The following GPR157 variants were observed in gnomAD, a reference collection of about 807,000 sequenced individuals.
GPR157 encodes the protein G protein-coupled receptor 157.
In GPR157, 16 loss-of-function variants were observed where a neutral mutation model predicts 23.5. That is an observed-to-expected ratio of 0.68 (90% CI 0.46 to 1.04). The LOEUF (loss-of-function observed/expected upper bound fraction) is 1.04. Among genes scored for constraint, GPR157 ranks in the 50% least tolerant of loss-of-function variants. The pLI, the probability that GPR157 is intolerant of heterozygous loss-of-function variation, is 0.00. For missense variants in GPR157, 440 were observed against 460.7 expected (o/e 0.96, Z 0.41); for synonymous variants, 200 against 221.5 (o/e 0.90, Z 0.86).
chr1:9,107,930 A>C (rs1457564323), intron 2 of GPR157, among the ~76,000 whole-genome samples: 1 of 152,058 alleles, frequency 6.6e-6, no homozygotes, highest in African/African-American at 2.4e-5. Context: ...CTGCCTTAAA[A>C]ACAAAAACAA....
At chr1:9,106,904 C>G (rs1456875849) in intron 2 of GPR157, among the ~76,000 whole-genome samples, 3 of 152,098 alleles carry the variant, frequency 2.0e-5, no homozygotes, top group Admixed American at 6.5e-5. Context: ...ATGGAGGTTG[C>G]AGTGAGCCAA....
At chr1:9,107,481 A>T (rs554677716) in intron 2 of GPR157, among the ~76,000 whole-genome samples, 1 of 152,094 alleles carries the variant, frequency 6.6e-6, no homozygotes, top group Non-Finnish European at 1.5e-5. Flanking sequence ...TCTACAAAAA[A>T]TTTAAAAATT....
rs535847433 is a variant in GPR157 at position 9,105,068 on chromosome 1, C to CACACACACACACACAT, written c.792+417_792+418insATGTGTGTGTGTGTGT. On this transcript the variant is annotated intron_variant, in intron 3 of 3. Transcript: ENST00000377411. The surrounding 1 kb of genome is among the most constrained non-coding windows in gnomAD (Gnocchi z 4.8). ...ACACACACACACACACACACACACACATGCATACACACATGCATACATGCA... is the reference window on the plus strand; with the variant it reads ...ACACACACACACACACACACACACACACACACACACACACATATGCATACACACATGCATACATGCA... Among the ~76,000 whole-genome samples, 1 of 144,476 alleles carries CACACACACACACACAT rather than the reference C, an allele frequency of 6.9e-6. No homozygotes were observed. The highest frequency in any genetic ancestry group is 2.6e-5 in the African/African-American group (1 of 37,820). The allele number at this position is 144,476 out of a possible 152,430, so 94.8% of individuals were successfully genotyped here.
At chr1:9,116,897 A>G (rs1199155261) in intron 1 of GPR157, among the ~76,000 whole-genome samples, 1 of 151,950 alleles carries the variant, frequency 6.6e-6, no homozygotes, top group African/African-American at 2.4e-5. Context: ...ACATGCTACC[A>G]TGCCCGGCTT....
intron 2 of GPR157, among the ~76,000 whole-genome samples, chr1:9,106,413 T>C (rs117156784): frequency 0.023 from 3,509 of 152,126 alleles, 169 homozygotes; most frequent in East Asian, 0.16. Flanking sequence ...CACTCGGAGC[T>C]CTTCAGCGCT....
At chr1:9,126,709 G>A (rs1638969491) in intron 1 of GPR157, among the ~76,000 whole-genome samples, 1 of 152,194 alleles carries the variant, frequency 6.6e-6, no homozygotes. Context: ...AGATGAACCT[G>A]TTAGGCAGGT....
chr1:9,104,129 A>T lies in GPR157; in HGVS notation c.*290T>A. Reference sequence around the variant, plus strand: ...ACATCAAGGTCCACTGGGTGGGGGCACTGTGGCCACAGCTGTGGGCCACCG... The same window carrying T: ...ACATCAAGGTCCACTGGGTGGGGGCTCTGTGGCCACAGCTGTGGGCCACCG... On this transcript the variant is annotated 3_prime_UTR_variant, in exon 4 of 4. Coordinates refer to ENST00000377411, the MANE Select transcript of GPR157 (RefSeq NM_024980.5). The T allele has an allele frequency of 2.4e-6, 1 of 414,390 alleles. No homozygotes were observed. Among genetic ancestry groups the T allele is most frequent in the Non-Finnish European group, 4.5e-6 (1 of 222,756 alleles). 25.7% of individuals were successfully genotyped at this position (414,390 alleles called of 1,614,324 possible).
chr1:9,114,326 C>CA lies in GPR157; in HGVS notation c.384-2838dup, dbSNP rs58549365. ...CCTGGGTGACGAAGTGAGACTGTCT[C>CA]AAAAAAAAAAAAAAAAAAAGTAATC... On this transcript the variant is annotated intron_variant, in intron 1 of 3. Transcript: ENST00000377411. Among the ~76,000 whole-genome samples the CA allele has an allele frequency of 2.5e-3, 258 of 103,092 alleles. 7 individuals carry two copies. The highest frequency in any genetic ancestry group is 3.0e-3 in the Admixed American group (27 of 9,044). The allele number at this position is 103,092 out of a possible 152,430, so 67.6% of individuals were successfully genotyped here.
chr1:9,122,755 G>A (rs1023349603), intron 1 of GPR157, among the ~76,000 whole-genome samples: 5 of 152,058 alleles, frequency 3.3e-5, no homozygotes, highest in African/African-American at 7.2e-5. Flanking sequence ...CAAGAAAGGT[G>A]GGAGAACTGT....
intron 2 of GPR157, among the ~76,000 whole-genome samples, chr1:9,109,562 T>G (rs1445191692): frequency 1.3e-5 from 2 of 151,918 alleles, no homozygotes; most frequent in Non-Finnish European, 2.9e-5. Context: ...CCAGCTAATT[T>G]TTGTTATTTT....
chr1:9,108,934 C>T (rs1310380525), intron 2 of GPR157, among the ~76,000 whole-genome samples: 1 of 151,696 alleles, frequency 6.6e-6, no homozygotes, highest in Admixed American at 6.6e-5. Context: ...TACAGGTGCC[C>T]ACCACCACGC....
chr1:9,107,372 C>T (rs1223972504), intron 2 of GPR157, among the ~76,000 whole-genome samples: 1 of 152,196 alleles, frequency 6.6e-6, no homozygotes, highest in African/African-American at 2.4e-5. Flanking sequence ...GGAGTGGTGG[C>T]TCATGCCTGA....
intron 1 of GPR157, among the ~76,000 whole-genome samples, chr1:9,117,269 C>T (rs188266154): frequency 4.6e-5 from 7 of 152,142 alleles, no homozygotes; most frequent in East Asian, 1.9e-4. Context: ...AGGATAAAAA[C>T]GATAAGGAGA....
At chr1:9,126,943 G>A (rs1455410128) in intron 1 of GPR157, among the ~76,000 whole-genome samples, 1 of 148,066 alleles carries the variant, frequency 6.8e-6, no homozygotes, top group African/African-American at 2.5e-5. Context: ...GTGTTGCTCT[G>A]TCTGCAATCA....
intron 1 of GPR157, among the ~76,000 whole-genome samples, chr1:9,123,263 T>TAC (rs1553175807): frequency 0.03 from 677 of 22,434 alleles, 123 homozygotes; most frequent in African/African-American, 0.12. Flanking sequence ...TATATTTAAA[T>TAC]ATATATATTT....
chr1:9,105,548 G>T lies in GPR157; in HGVS notation c.730C>A (p.Arg244=). ...FIGLRVWSTV[R]FVLTLCGSPA... ...GAGCCACAGAGGGTCAGCACGAACC[G>T]CACGGTGCTCCAGACCCTGAGGCCG... The change falls in exon 3 of 4, where the codon CGG becomes AGG. Residue 244 remains arginine, a synonymous_variant. Coordinates refer to ENST00000377411, the MANE Select transcript of GPR157 (RefSeq NM_024980.5). This position sits in a 1 kb window ranked among gnomAD's most constrained non-coding sequence, Gnocchi z 4.8. 1 of 1,599,468 alleles carries T rather than the reference G, an allele frequency of 6.3e-7. No homozygotes were observed. Among genetic ancestry groups the T allele is most frequent in the Non-Finnish European group, 8.5e-7 (1 of 1,174,010 alleles).
chr1:9,106,263 T>C (rs1428824008), intron 2 of GPR157, among the ~76,000 whole-genome samples: 1 of 152,122 alleles, frequency 6.6e-6, no homozygotes, highest in Non-Finnish European at 1.5e-5. Context: ...ACTGCCCCCG[T>C]GTCCAGGCCA....
Position 9,123,239 on chromosome 1 carries a change from TATTA to T in GPR157, c.383+5402_383+5405del, listed in dbSNP as rs1253707991. On this transcript the variant is annotated intron_variant, in intron 1 of 3. Coordinates refer to ENST00000377411, the MANE Select transcript of GPR157 (RefSeq NM_024980.5). ...TTATTAAAATATATATTTAAATATA[TATTA>T]ATTTAAATATATATTTAAATATATA... Among the ~76,000 whole-genome samples, 221 of 58,248 alleles carry T rather than the reference TATTA, an allele frequency of 3.8e-3. 3 individuals carry two copies. Among genetic ancestry groups the T allele is most frequent in the Non-Finnish European group, 4.9e-3 (184 of 37,356 alleles). The allele number at this position is 58,248 out of a possible 152,430, so 38.2% of individuals were successfully genotyped here.
intron 2 of GPR157, 39 bp downstream of exon 2, chr1:9,111,237 G>A: frequency 1.3e-6 from 2 of 1,591,862 alleles, no homozygotes; most frequent in South Asian, 1.1e-5. Flanking sequence ...GGGCACAGCG[G>A]CCATGCAGAG....
Sources: gnomAD v4.1 joint callset for allele counts (sites outside exome capture counted in the v4.1 genomes callset) on GRCh38, gnomAD v4.1.1 for gene constraint, Gnocchi (gnomAD v3.1) non-coding constraint, MANE v1.5 for transcripts, NCBI Gene and HGNC (gene_info 2026-07-23, HGNC 2026-07-21) for gene names.